SYNE1: variants seen among roughly 807,000 people sequenced by gnomAD.
SYNE1 encodes spectrin repeat containing nuclear envelope protein 1.
Under a neutral mutation model 1,111.0 loss-of-function variants are expected in SYNE1, and 616 were observed. The observed-to-expected ratio is 0.55, with a 90% CI of 0.52 to 0.59. The LOEUF is 0.59. Ranked by LOEUF, SYNE1 falls within the 20% of genes least tolerant of loss-of-function variation. SYNE1 has a pLI of 0.00. For missense variants in SYNE1, 10,006 were observed against 10,417.0 expected (o/e 0.96, Z 1.72); for synonymous variants, 3,855 against 3,825.8 (o/e 1.01, Z -0.28).
At chr6:152,439,364 C>G (rs575513953) in intron 32 of SYNE1, among the ~76,000 whole-genome samples, 1 of 152,086 alleles carries the variant, frequency 6.6e-6, no homozygotes, top group African/African-American at 2.4e-5. Flanking sequence ...TTATAAAAGG[C>G]ACCTGATACG....
chr6:152,212,300 C>T (rs561981422), intron 123 of SYNE1, among the ~76,000 whole-genome samples: 2 of 152,242 alleles, frequency 1.3e-5, no homozygotes, highest in African/African-American at 4.8e-5. Flanking sequence ...ATCCTCCAGC[C>T]TTCAGCAACC....
At chr6:152,164,347 T>A (rs764649772) in intron 130 of SYNE1, 22 bp from the exon 131 acceptor site, 1 of 1,613,848 alleles carries the variant, frequency 6.2e-7, no homozygotes, top group South Asian at 1.1e-5. Flanking sequence ...GAAGGGGGAA[T>A]GTCCCACTTC....
At chr6:152,468,966 CAG>C (rs368394312) in intron 16 of SYNE1, among the ~76,000 whole-genome samples, 30 of 152,088 alleles carry the variant, frequency 2.0e-4, no homozygotes, top group African/African-American at 6.0e-4. Flanking sequence ...TTTGTAGAGA[CAG>C]AGTCTCACTA....
rs1393962758 is a variant in SYNE1 at position 152,350,721 on chromosome 6, C to T, written c.11630G>A (p.Arg3877Lys). The change falls in exon 71 of 146, where the codon AGA (arginine) becomes AAA (lysine). Residue 3877 changes from arginine to lysine, a missense_variant. Around this residue, in one of 7 missense-constraint regions of SYNE1, gnomAD observed 4,955 missense variants for 5,017.2 expected, o/e 0.99. Coordinates refer to ENST00000367255, the MANE Select transcript of SYNE1 (RefSeq NM_182961.4). ...TTCCAAAAGAGCTTCACCCTTCTCT[C>T]TCACTGACTTTACTGATGGTTCATG... ...LSHEPSVKSV[R>K]EKGEALLELV... 5 of 1,613,956 alleles carry T rather than the reference C, an allele frequency of 3.1e-6. No homozygotes were observed. Among genetic ancestry groups the T allele is most frequent in the East Asian group, 2.2e-5 (1 of 44,880 alleles).
chr6:152,637,115 G>A (rs4573095), intron 1 of SYNE1, 74 bp downstream of exon 1: 9,941 of 152,170 alleles, frequency 0.065, 520 homozygotes, highest in East Asian at 0.17. Flanking sequence ...CCCGCGCCCC[G>A]CGCCCGGCTC....
chr6:152,569,536 T>C (rs934461221), intron 3 of SYNE1, among the ~76,000 whole-genome samples: 8 of 152,118 alleles, frequency 5.3e-5, no homozygotes, highest in Non-Finnish European at 1.2e-4. Context: ...ATTTTAAAGA[T>C]TTAAAAGTAA....
intron 93 of SYNE1, among the ~76,000 whole-genome samples, chr6:152,295,659 CAT>C (rs1232558957): frequency 6.6e-6 from 1 of 152,032 alleles, no homozygotes; most frequent in African/African-American, 2.4e-5. Flanking sequence ...CACACACACA[CAT>C]ACACATGCAA....
Position 152,323,669 on chromosome 6 carries a change from T to A in SYNE1, c.15726A>T (p.Ala5242=), listed in dbSNP as rs1458003657. 2.5e-6 allele frequency: 4 copies of A among 1,614,258 alleles called. No individual in the cohort carries two copies. The highest frequency in any genetic ancestry group is 3.4e-6 in the Non-Finnish European group (4 of 1,180,050). ...DKLPGSSAEK[A]SKAELLTLLE... ...GAAGAGTTAAGAGCTCTGCTTTCGATGCTTTCTCTGCTGAACTTCCAGGTA... is the reference window on the plus strand; with the variant it reads ...GAAGAGTTAAGAGCTCTGCTTTCGAAGCTTTCTCTGCTGAACTTCCAGGTA... The change falls in exon 82 of 146, where the codon GCA becomes GCT. Residue 5242 remains alanine (A), a synonymous_variant. Coordinates refer to ENST00000367255, the MANE Select transcript of SYNE1 (RefSeq NM_182961.4).
chr6:152,180,356 G>A (rs1468626170), intron 128 of SYNE1, 62 bp from the exon 129 acceptor site: 1 of 1,502,954 alleles, frequency 6.7e-7, no homozygotes, highest in Admixed American at 1.7e-5. Context: ...CACACTCCAA[G>A]GAAAATAGCA....
At chr6:152,321,208 A>G (rs1269718253) in intron 84 of SYNE1, 30 bp downstream of exon 84, 2 of 1,612,326 alleles carry the variant, frequency 1.2e-6, no homozygotes, top group Non-Finnish European at 8.5e-7. Context: ...AACAAAATGG[A>G]AAGACACTCT....
chr6:152,237,470 A>G (rs2084466850), intron 108 of SYNE1, among the ~76,000 whole-genome samples: 2 of 151,064 alleles, frequency 1.3e-5, no homozygotes, highest in South Asian at 4.2e-4. Flanking sequence ...CCACCACACC[A>G]GGCTAACTTA....
rs757382913 is a variant in SYNE1 at position 152,220,924 on chromosome 6, T to A, written c.21779A>T (p.Asp7260Val). 1 of 1,614,198 alleles carries A rather than the reference T, an allele frequency of 6.2e-7. No homozygotes were observed. Among genetic ancestry groups the A allele is most frequent in the South Asian group, 1.1e-5 (1 of 91,090 alleles). The change falls in exon 119 of 146, where the codon GAT becomes GTT. Residue 7260 changes from aspartate (D) to valine (V), a missense_variant. Physicochemically the swap from Asp to Val is radical, Grantham distance 152. This residue lies in a region of SYNE1 where 2,182 missense variants were observed against 2,287.8 expected (regional missense o/e 0.95). Coordinates refer to ENST00000367255, the MANE Select transcript of SYNE1 (RefSeq NM_182961.4). ...QCASTVQQQE[D>V]RTNELLKAAT... Reference sequence around the variant, plus strand: ...TGCCTTCAACAGCTCATTGGTTCGATCCTCCTGCTGCTGAACTGTCGAAGC... The same window carrying A: ...TGCCTTCAACAGCTCATTGGTTCGAACCTCCTGCTGCTGAACTGTCGAAGC...
intron 93 of SYNE1, among the ~76,000 whole-genome samples, chr6:152,297,854 G>A (rs2153800375): frequency 6.6e-6 from 1 of 151,060 alleles, no homozygotes; most frequent in East Asian, 2.0e-4. Context: ...CTACAGATAT[G>A]AATGACAACT....
intron 3 of SYNE1, among the ~76,000 whole-genome samples, chr6:152,549,123 C>T (rs1051995665): frequency 6.6e-6 from 1 of 152,116 alleles, no homozygotes; most frequent in African/African-American, 2.4e-5. Context: ...CACAGGTGAA[C>T]CCAAGTGAAG....
chr6:152,385,549 G>A, intron 55 of SYNE1, 125 bp downstream of exon 55: 1 of 1,023,870 alleles, frequency 9.8e-7, no homozygotes, highest in Non-Finnish European at 1.5e-6. Context: ...TAGAATCAGT[G>A]AGGCATCAAA....
At chr6:152,237,090 A>G in intron 108 of SYNE1, 142 bp from the exon 109 acceptor site, 2 of 1,148,030 alleles carry the variant, frequency 1.7e-6, no homozygotes, top group Non-Finnish European at 2.5e-6. Context: ...TTTGGGAAGC[A>G]AAAGATGGCT....
rs1321905761 is a variant in SYNE1, at chr6:152,409,746, T to C, written c.6231-37A>G. The C allele has an allele frequency of 2.5e-6, 4 of 1,610,212 alleles. No homozygotes were observed. The East Asian group carries it at 6.7e-5, about 27-fold the overall frequency. ...AAAGAAAATATATTATTTGGTGTCA[T>C]GTATCAGGAAAAGGGAGAGTTGCCT... is the stretch of plus-strand genomic sequence containing the variant. On this transcript the variant is annotated intron_variant, in intron 42 of 145. Coordinates refer to ENST00000367255, the MANE Select transcript of SYNE1 (RefSeq NM_182961.4).
chr6:152,553,736 G>A (rs1172257350), intron 3 of SYNE1, among the ~76,000 whole-genome samples: 1 of 152,058 alleles, frequency 6.6e-6, no homozygotes, highest in Non-Finnish European at 1.5e-5. Context: ...ATCTGCCTTG[G>A]TATTATTATT....
chr6:152,430,349 T>A, intron 35 of SYNE1, 133 bp downstream of exon 35: 1 of 1,137,752 alleles, frequency 8.8e-7, no homozygotes, highest in Non-Finnish European at 1.3e-6. Flanking sequence ...TTTAAACATC[T>A]AAAATCAACA....
Sources: gnomAD v4.1 joint callset for allele counts (sites outside exome capture counted in the v4.1 genomes callset) on GRCh38, gnomAD v4.1.1 for gene constraint, gnomAD v4.1.1 regional missense constraint, MANE v1.5 for transcripts, NCBI Gene and HGNC (gene_info 2026-07-23, HGNC 2026-07-21) for gene names.